Variants in TMPRSS11A observed in about 807,000 individuals in gnomAD.
TMPRSS11A encodes the protein transmembrane protease serine 11A.
TMPRSS11A carries 53 observed loss-of-function variants against 58.9 expected under a neutral mutation model. That is an observed-to-expected ratio of 0.90 (90% confidence interval 0.72 to 1.13). The LOEUF is 1.13. Ranked by LOEUF, TMPRSS11A falls within the 50% of genes most tolerant of loss-of-function variation. The pLI, the probability that TMPRSS11A is intolerant of heterozygous loss-of-function variation, is 0.00. For synonymous variants in TMPRSS11A, 167 were observed against 169.8 expected, an observed-to-expected ratio of 0.98 and a Z score of 0.13; for missense variants, 493 against 499.3, an observed-to-expected ratio of 0.99 and a Z score of 0.12.
chr4:67,921,077 CTGT>C (rs1272125097), intron 7 of TMPRSS11A, among the ~76,000 whole-genome samples: 1 of 152,070 alleles, frequency 6.6e-6, no homozygotes, highest in Non-Finnish European at 1.5e-5. Flanking sequence ...AAATTGGTTC[CTGT>C]TGTTCCAGAT....
chr4:67,963,235 G>T (rs1171648610), intron 1 of TMPRSS11A, 148 bp downstream of exon 1: 19 of 656,834 alleles, frequency 2.9e-5, no homozygotes, highest in Admixed American at 6.0e-5. Flanking sequence ...AATCCAGGAT[G>T]CTATGATAAT....
intron 6 of TMPRSS11A, 50 bp from the exon 7 acceptor site, chr4:67,922,976 G>A (rs353159): frequency 0.69 from 1,091,719 of 1,585,500 alleles, 378,710 homozygotes; most frequent in African/African-American, 0.88. Flanking sequence ...TGTAATTACA[G>A]GAAATGACCC....
chr4:67,938,176 T>A (rs1001827949), intron 3 of TMPRSS11A, among the ~76,000 whole-genome samples: 1 of 152,194 alleles, frequency 6.6e-6, no homozygotes, highest in Non-Finnish European at 1.5e-5. Context: ...TTTGTTCATA[T>A]GTTTCTTGAC....
In TMPRSS11A at chr4:67,944,507, T is replaced by C; in HGVS notation, c.252+12A>G. 6.2e-7 allele frequency: 1 copy of C among 1,606,566 alleles called. No individual in the cohort carries two copies. ...CATTATTCTATGATAAAAAGAAGTT[T>C]ACCTGACTCACCAAATTTTCGGTCG... On this transcript the variant is annotated intron_variant, in intron 3 of 9. Coordinates refer to ENST00000508048, the MANE Select transcript of TMPRSS11A (RefSeq NM_001114387.2).
chr4:67,932,080 A>C lies in TMPRSS11A; in HGVS notation c.253-20T>G, dbSNP rs1287363519. On this transcript the variant is annotated intron_variant, in intron 3 of 9. Transcript: ENST00000508048. Reference sequence around the variant, plus strand: ...ATCCACCTGTTACACAACAAGAGAGAAACTATGTGTTAATAATATATTTTA... The same window carrying C: ...ATCCACCTGTTACACAACAAGAGAGCAACTATGTGTTAATAATATATTTTA... 1 of 1,365,700 alleles carries C rather than the reference A, an allele frequency of 7.3e-7. No homozygotes were observed. The highest frequency in any genetic ancestry group is 1.4e-5 in the African/African-American group (1 of 69,742). The allele number at this position is 1,365,700 out of a possible 1,614,324, so 84.6% of individuals were successfully genotyped here. A position where few individuals can be genotyped will look rare whatever the true frequency, so the allele number is the denominator to read the frequency against.
chr4:67,944,477 A>C (rs1191682676), intron 3 of TMPRSS11A, 42 bp downstream of exon 3: 1 of 1,581,580 alleles, frequency 6.3e-7, no homozygotes, highest in Admixed American at 1.9e-5. Flanking sequence ...AATCCCTTCC[A>C]CTTGCATTAT....
Position 67,922,814 on chromosome 4 carries a change from C to T in TMPRSS11A, c.633G>A (p.Gln211=). The part of the protein sequence containing the change: ...QASLQYDNIH[Q]CGATLISNTW... ...TGTTACTAATCAAGGTGGCCCCACA[C>T]TGATGGATGTTATCATACTGAAGGG... The change falls in exon 7 of 10, where the codon CAG becomes CAA. Residue 211 remains glutamine (Q), a synonymous_variant. Coordinates refer to ENST00000508048, the MANE Select transcript of TMPRSS11A (RefSeq NM_001114387.2). 6.2e-7 allele frequency: 1 copy of T among 1,614,142 alleles called. No homozygotes were observed. The highest frequency in any genetic ancestry group is 2.2e-5 in the East Asian group (1 of 44,878).
intron 7 of TMPRSS11A, among the ~76,000 whole-genome samples, chr4:67,919,650 T>G (rs1050622453): frequency 6.6e-6 from 1 of 152,152 alleles, no homozygotes; most frequent in Non-Finnish European, 1.5e-5. Flanking sequence ...ATAAATAATC[T>G]TAAACATTGA....
At chr4:67,922,654 T>A (rs1720359990) in intron 7 of TMPRSS11A, 101 bp downstream of exon 7, 1 of 1,167,902 alleles carries the variant, frequency 8.6e-7, no homozygotes, top group South Asian at 1.7e-5. Flanking sequence ...TTTTTCTTAT[T>A]TTACTTCAGT....
intron 9 of TMPRSS11A, 51 bp from the exon 10 acceptor site, chr4:67,911,554 C>T (rs1577847910): frequency 3.4e-6 from 5 of 1,476,058 alleles, no homozygotes; most frequent in Non-Finnish European, 3.7e-6. Context: ...AAACATAAAG[C>T]TCATTATTTA....
At chr4:67,936,137 G>A (rs1465114499) in intron 3 of TMPRSS11A, among the ~76,000 whole-genome samples, 2 of 152,106 alleles carry the variant, frequency 1.3e-5, no homozygotes, top group African/African-American at 4.8e-5. Flanking sequence ...ACCTCAGGAT[G>A]AGCATGCAGG....
At chr4:67,911,774 A>C (rs1719987693) in intron 9 of TMPRSS11A, among the ~76,000 whole-genome samples, 1 of 152,178 alleles carries the variant, frequency 6.6e-6, no homozygotes, top group Non-Finnish European at 1.5e-5. Flanking sequence ...CTTGAAAAGC[A>C]GTTATGTCCC....
chr4:67,929,877 T>C lies in TMPRSS11A; in HGVS notation c.481+3A>G. 6.2e-7 allele frequency: 1 copy of C among 1,604,964 alleles called. No individual in the cohort carries two copies. Among genetic ancestry groups the C allele is most frequent in the East Asian group, 2.2e-5 (1 of 44,768 alleles). On this transcript the variant is annotated splice_donor_region_variant and intron_variant, in intron 5 of 9. Coordinates refer to ENST00000508048, the MANE Select transcript of TMPRSS11A (RefSeq NM_001114387.2). ...CATATCACATAGAAGGGGACCTCCTTACCATTAACTTGAACTGATGAGGCA... is the reference window on the plus strand; with the variant it reads ...CATATCACATAGAAGGGGACCTCCTCACCATTAACTTGAACTGATGAGGCA...
chr4:67,935,540 A>G (rs1485073384), intron 3 of TMPRSS11A, among the ~76,000 whole-genome samples: 1 of 152,132 alleles, frequency 6.6e-6, no homozygotes, highest in African/African-American at 2.4e-5. Flanking sequence ...TATTCACTAT[A>G]TATTTATGCA....
chr4:67,912,108 C>T (rs1281016797), intron 9 of TMPRSS11A, among the ~76,000 whole-genome samples: 1 of 151,880 alleles, frequency 6.6e-6, no homozygotes, highest in African/African-American at 2.4e-5. Context: ...TTTTTGCTTT[C>T]CTAGAATTAA....
intron 6 of TMPRSS11A, 93 bp from the exon 7 acceptor site, chr4:67,923,019 C>G (rs1720371638): frequency 8.4e-7 from 1 of 1,197,260 alleles, no homozygotes; most frequent in Admixed American, 1.9e-5. Context: ...TTTTCGTATA[C>G]TACTCCTCCT....
intron 1 of TMPRSS11A, among the ~76,000 whole-genome samples, chr4:67,959,108 G>A (rs147099942): frequency 1.1e-3 from 169 of 152,252 alleles, no homozygotes; most frequent in African/African-American, 3.9e-3. Context: ...AATACAGGCA[G>A]AGATTTGGAA....
chr4:67,961,471 CCTTTTCTTTTCCTTTTTTTTTTTTTTTT>C (rs1721417418), intron 1 of TMPRSS11A, among the ~76,000 whole-genome samples: 1 of 131,834 alleles, frequency 7.6e-6, no homozygotes, highest in African/African-American at 3.2e-5. Context: ...TCTTTCCTTT[CCTTTTCTTTTCCTTTTTTTTTTTTTTTT>C]TTTTTTTTTT....
intron 7 of TMPRSS11A, among the ~76,000 whole-genome samples, chr4:67,920,543 ATATATATTT>A (rs941702021): frequency 2.4e-5 from 2 of 83,870 alleles, no homozygotes; most frequent in Non-Finnish European, 4.9e-5. Flanking sequence ...ATATATATAT[ATATATATTT>A]TTTTTTATAT....
Sources: gnomAD v4.1 joint callset for allele counts (sites outside exome capture counted in the v4.1 genomes callset) on GRCh38, gnomAD v4.1.1 for gene constraint, MANE v1.5 for transcripts, NCBI Gene and HGNC (gene_info 2026-07-23, HGNC 2026-07-21) for gene names.